MAST2: variants seen among roughly 807,000 people sequenced by gnomAD.
MAST2 encodes the protein microtubule-associated serine/threonine-protein kinase 2.
In MAST2, 70 loss-of-function variants were observed where a neutral mutation model predicts 147.4. The ratio of observed to expected loss-of-function variants is 0.47; its 90% CI spans 0.39 to 0.58. MAST2 has a LOEUF of 0.58. Ranked by LOEUF, MAST2 falls within the 20% of genes least tolerant of loss-of-function variation. The pLI is 0.00. For missense variants in MAST2, 2,080 were observed against 2,302.3 expected (o/e 0.90, Z 1.98); for synonymous variants, 869 against 896.8 (o/e 0.97, Z 0.55).
chr1:45,929,106 A>G (rs560326187), intron 4 of MAST2, among the ~76,000 whole-genome samples: 4 of 152,232 alleles, frequency 2.6e-5, no homozygotes, highest in African/African-American at 9.6e-5. Context: ...AGTAGTGGCC[A>G]TTGATAATTA....
At chr1:45,847,456 C>G (rs2147958569) in intron 3 of MAST2, 1 of 605,000 alleles carries the variant, frequency 1.7e-6, no homozygotes, top group Non-Finnish European at 3.0e-6. Flanking sequence ...AGTTTTTCAC[C>G]AATAAGATTG....
At chr1:45,920,283 G>A (rs1384312027) in intron 4 of MAST2, among the ~76,000 whole-genome samples, 1 of 152,158 alleles carries the variant, frequency 6.6e-6, no homozygotes, top group Non-Finnish European at 1.5e-5. Flanking sequence ...GTTCCCCTCT[G>A]TATATCTGTC....
At chr1:45,885,221 C>G (rs1647030770) in intron 4 of MAST2, among the ~76,000 whole-genome samples, 1 of 152,072 alleles carries the variant, frequency 6.6e-6, no homozygotes, top group African/African-American at 2.4e-5. Context: ...ATTTGTGTCC[C>G]TGTTTGCCTT....
chr1:45,887,624 A>G (rs1306251450), intron 4 of MAST2, among the ~76,000 whole-genome samples: 1 of 152,150 alleles, frequency 6.6e-6, no homozygotes, highest in Admixed American at 6.5e-5. Context: ...AGTGTCATGT[A>G]CTTTCCCATT....
At chr1:45,946,100 A>G (rs1401100039) in intron 4 of MAST2, among the ~76,000 whole-genome samples, 3 of 152,164 alleles carry the variant, frequency 2.0e-5, no homozygotes, top group African/African-American at 7.2e-5. Flanking sequence ...AATAATAAAC[A>G]TGTATCAGGC....
chr1:45,941,076 G>C (rs1174905797), intron 4 of MAST2, among the ~76,000 whole-genome samples: 1 of 152,206 alleles, frequency 6.6e-6, no homozygotes, highest in Non-Finnish European at 1.5e-5. Flanking sequence ...TTGGCAGCTA[G>C]CTTGCAGTAT....
chr1:46,007,051 C>T (rs769863966), intron 8 of MAST2, among the ~76,000 whole-genome samples: 4 of 152,168 alleles, frequency 2.6e-5, no homozygotes, highest in Non-Finnish European at 4.4e-5. Context: ...ACCAAACTAA[C>T]CTTAACAGCT....
In MAST2 at chr1:45,947,540, G is replaced by T. The variant is rs192265069; in HGVS notation, c.501-11846G>T. 4.0e-4 allele frequency among the ~76,000 whole-genome samples: 61 copies of T among 152,146 alleles called. 1 individual carries two copies. In the Middle Eastern group the frequency reaches 0.034, roughly 85 times the overall value. On this transcript the variant is annotated intron_variant, in intron 4 of 28. Coordinates refer to ENST00000361297, the MANE Select transcript of MAST2 (RefSeq NM_015112.3). ...AGCAGAACATGAGGAAAACCCTGAG[G>T]GACCCAAATCAGAGAGAGAAAACAA...
Position 46,034,223 on chromosome 1 carries a change from T to A in MAST2, c.3825T>A (p.Ser1275=). 1.2e-6 allele frequency: 2 copies of A among 1,613,876 alleles called. No individual in the cohort carries two copies. The highest frequency in any genetic ancestry group is 1.7e-6 in the Non-Finnish European group (2 of 1,179,938). The part of the protein sequence containing the change: ...PTHSHSLSPR[S]PTQGYRVTPD... ...ACAGCCACAGCCTTTCCCCCCGATC[T>A]CCCACTCAAGGCTACCGGGTGACCC... Residue 1275 remains serine, a synonymous_variant, in exon 28 of 29, where the codon TCT becomes TCA. Transcript: ENST00000361297.
At chr1:45,901,177 A>G (rs57055637) in intron 4 of MAST2, among the ~76,000 whole-genome samples, 7,057 of 152,184 alleles carry the variant, frequency 0.046, 519 homozygotes, top group African/African-American at 0.16. Flanking sequence ...TAATTTTTAT[A>G]TATGGTGAGA....
intron 10 of MAST2, among the ~76,000 whole-genome samples, chr1:46,016,204 C>G (rs1042725769): frequency 1.1e-5 from 1 of 93,690 alleles, no homozygotes; most frequent in Non-Finnish European, 2.5e-5. Flanking sequence ...CTATGACAAA[C>G]CCACAGCCAA....
At position 46,031,041 on chromosome 1, in the gene MAST2, C is replaced by T; in HGVS notation, c.2743C>T (p.His915Tyr). The T allele has an allele frequency of 3.7e-6, 6 of 1,613,798 alleles. No individual in the cohort carries two copies. Among genetic ancestry groups the T allele is most frequent in the Non-Finnish European group, 5.1e-6 (6 of 1,179,848 alleles). ...RKRLSVSESSHTESDSSPPMT... is the reference protein window; with the variant it reads ...RKRLSVSESSYTESDSSPPMT... ...GCGGCTGTCGGTGTCTGAGTCATCCCACACAGAGAGTGACTCAAGCCCTCC... is the reference window on the plus strand; with the variant it reads ...GCGGCTGTCGGTGTCTGAGTCATCCTACACAGAGAGTGACTCAAGCCCTCC... The change falls in exon 23 of 29, where the codon CAC becomes TAC. Residue 915 changes from histidine (H) to tyrosine (Y), a missense_variant. This residue lies in a region of MAST2 where 1,278 missense variants were observed against 1,304.2 expected (regional missense o/e 0.98). Coordinates refer to ENST00000361297, the MANE Select transcript of MAST2 (RefSeq NM_015112.3). The surrounding 1 kb of genome is among the most constrained non-coding windows in gnomAD (Gnocchi z 4.1).
intron 5 of MAST2, among the ~76,000 whole-genome samples, chr1:45,983,652 C>T (rs1022175823): frequency 6.6e-6 from 1 of 152,048 alleles, no homozygotes; most frequent in Non-Finnish European, 1.5e-5. Flanking sequence ...CCACCACCCT[C>T]AGCTAATTTT....
At chr1:46,019,749 A>G in intron 11 of MAST2, 52 bp downstream of exon 11, 3 of 1,490,394 alleles carry the variant, frequency 2.0e-6, no homozygotes, top group Non-Finnish European at 2.8e-6. Flanking sequence ...AGGACTATAG[A>G]GGAAGTATCC....
At chr1:45,898,905 T>C (rs1383539589) in intron 4 of MAST2, among the ~76,000 whole-genome samples, 3 of 152,156 alleles carry the variant, frequency 2.0e-5, no homozygotes, top group Non-Finnish European at 2.9e-5. Context: ...CCTTAATGCA[T>C]CCCTCAAATC....
chr1:45,918,469 G>A (rs12077974), intron 4 of MAST2, among the ~76,000 whole-genome samples: 50,554 of 152,044 alleles, frequency 0.33, 8,782 homozygotes, highest in African/African-American at 0.43. Context: ...ATAGAGTTTC[G>A]CTCTTGTCAC....
rs201339627 is a variant in MAST2, at chr1:45,948,705, T to A, written c.501-10681T>A. Among the ~76,000 whole-genome samples, 8 of 13,246 alleles carry A rather than the reference T, an allele frequency of 6.0e-4. No individual in the cohort carries two copies. In the East Asian group the frequency reaches 7.1e-3, roughly 12 times the overall value. 8.7% of individuals were successfully genotyped at this position (13,246 alleles called of 152,430 possible). Reference sequence around the variant, plus strand: ...CTGGGCGACAGAGTGAGACTCCATCTCAAAAAAAAAAAAAAAAAAAAAAAA... The same window carrying A: ...CTGGGCGACAGAGTGAGACTCCATCACAAAAAAAAAAAAAAAAAAAAAAAA... On this transcript the variant is annotated intron_variant, in intron 4 of 28. Coordinates refer to ENST00000361297, the MANE Select transcript of MAST2 (RefSeq NM_015112.3).
chr1:46,034,627 C>T lies in MAST2; in HGVS notation c.3958C>T (p.His1320Tyr). The change falls in exon 29 of 29, where the codon CAC (histidine) becomes TAC (tyrosine). Residue 1320 changes from histidine (H) to tyrosine (Y), a missense_variant. Coordinates refer to ENST00000361297, the MANE Select transcript of MAST2 (RefSeq NM_015112.3). ...TGGGCACACACGGCCCAGCTCCCTC[C>T]ACGGTCTGGCACCCAAGCTCCAACG... ...GSGHTRPSSLHGLAPKLQRQY... is the reference protein window; with the variant it reads ...GSGHTRPSSLYGLAPKLQRQY... 1 of 1,614,130 alleles carries T rather than the reference C, an allele frequency of 6.2e-7. No homozygotes were observed. The highest frequency in any genetic ancestry group is 1.3e-5 in the African/African-American group (1 of 75,026).
intron 5 of MAST2, among the ~76,000 whole-genome samples, chr1:45,978,639 T>C (rs535582382): frequency 3.3e-5 from 5 of 152,230 alleles, no homozygotes; most frequent in Admixed American, 6.5e-5. Context: ...CCATAAGTGC[T>C]GCTGGTGAGT....
Sources: allele counts gnomAD v4.1 joint callset (sites outside exome capture counted in the v4.1 genomes callset), GRCh38; gene constraint gnomAD v4.1.1; regional missense constraint gnomAD v4.1.1; non-coding constraint Gnocchi (gnomAD v3.1); transcripts MANE v1.5; gene names NCBI Gene and HGNC (gene_info 2026-07-23, HGNC 2026-07-21).